Variants in KCNH3 observed in about 807,000 individuals in gnomAD.
KCNH3 encodes the protein potassium voltage-gated channel subfamily H member 3, also known as voltage-gated inwardly rectifying potassium channel KCNH3.
Under a neutral mutation model 95.6 loss-of-function variants are expected in KCNH3, and 36 were observed. That is an observed-to-expected ratio of 0.38 (90% confidence interval 0.29 to 0.50). The LOEUF is 0.50. Ranked by LOEUF, KCNH3 falls within the 20% of genes least tolerant of loss-of-function variation. The pLI is 0.95. For missense variants in KCNH3, 1,030 were observed against 1,484.1 expected (o/e 0.69, Z 5.03); for synonymous variants, 620 against 646.3 (o/e 0.96, Z 0.62).
chr12:49,550,395 A>T, intron 10 of KCNH3, 66 bp downstream of exon 10: 1 of 1,521,472 alleles, frequency 6.6e-7, no homozygotes, highest in Non-Finnish European at 8.8e-7. Context: ...TGATCTGTGG[A>T]AAACCTGGAG....
chr12:49,542,825 C>T lies in KCNH3; in HGVS notation c.565C>T (p.His189Tyr). 6.2e-7 allele frequency: 1 copy of T among 1,607,192 alleles called. No homozygotes were observed. Among genetic ancestry groups the T allele is most frequent in the Non-Finnish European group, 8.5e-7 (1 of 1,177,838 alleles). Residue 189 changes from histidine (H) to tyrosine (Y), a missense_variant, in exon 4 of 15, where the codon CAC becomes TAC. Coordinates refer to ENST00000257981, the MANE Select transcript of KCNH3 (RefSeq NM_012284.3). ...GHLQKQPKGK[H>Y]KLNKGVFGEK... ...CCTGCAGAAGCAGCCCAAGGGCAAG[C>T]ACAAGCTCAATAAGGTGGGCTCAGC...
In KCNH3 at chr12:49,550,296, G is replaced by A. The variant is rs770610572; in HGVS notation, c.1885G>A (p.Val629Met). ...LYFVCSGSMEVLKGGTVLAIL... is the reference protein window; with the variant it reads ...LYFVCSGSMEMLKGGTVLAIL... ...CTTTGTCTGCTCTGGCTCCATGGAG[G>A]TGCTCAAGGGTGGCACCGTGCTCGC... Residue 629 changes from valine (V) to methionine (M), a missense_variant, in exon 10 of 15, where the codon GTG becomes ATG. This residue lies in a region of KCNH3 where 160 missense variants were observed against 316.2 expected (regional missense o/e 0.51). Coordinates refer to ENST00000257981, the MANE Select transcript of KCNH3 (RefSeq NM_012284.3). The A allele has an allele frequency of 6.2e-7, 1 of 1,608,444 alleles. No individual in the cohort carries two copies. Among genetic ancestry groups the A allele is most frequent in the South Asian group, 1.1e-5 (1 of 91,036 alleles).
intron 4 of KCNH3, 103 bp downstream of exon 4, chr12:49,542,942 A>T: frequency 7.1e-7 from 1 of 1,412,722 alleles, no homozygotes; most frequent in Non-Finnish European, 9.5e-7. Flanking sequence ...GGGGCCACCC[A>T]GGCCTTGCCA....
rs1938187662 is a variant in KCNH3, at chr12:49,549,557, C to T, written c.1585C>T (p.Arg529Cys). The stretch of plus-strand genomic sequence containing the variant: ...CCTGCGCGACTACATCCGCATCCAC[C>T]GTATCCCCAAGCCCCTCAAGCAGCG... ...RDLRDYIRIH[R>C]IPKPLKQRML... Residue 529 changes from arginine (R) to cysteine (C), a missense_variant, in exon 9 of 15, where the codon CGT (arginine) becomes TGT (cysteine). By Grantham distance (180) the Arg-to-Cys change is radical. Coordinates refer to ENST00000257981, the MANE Select transcript of KCNH3 (RefSeq NM_012284.3). 6.2e-7 allele frequency: 1 copy of T among 1,613,562 alleles called. No individual in the cohort carries two copies. Among genetic ancestry groups the T allele is most frequent in the Non-Finnish European group, 8.5e-7 (1 of 1,180,046 alleles).
chr12:49,557,172 A>G lies in KCNH3; in HGVS notation c.2576-11A>G. On this transcript the variant is annotated splice_polypyrimidine_tract_variant and intron_variant, in intron 13 of 14. Coordinates refer to ENST00000257981, the MANE Select transcript of KCNH3 (RefSeq NM_012284.3). ...CAGCCCCAGCTGATAACCCCATCCT[A>G]CTACCCACAGAGAGCGGCCTGCTCA... The G allele has an allele frequency of 6.2e-7, 1 of 1,613,744 alleles. No individual in the cohort carries two copies. The highest frequency in any genetic ancestry group is 8.5e-7 in the Non-Finnish European group (1 of 1,179,882).
chr12:49,549,225 C>A (rs753148885), intron 8 of KCNH3, 52 bp downstream of exon 8: 2 of 1,530,772 alleles, frequency 1.3e-6, no homozygotes, highest in South Asian at 2.5e-5. Flanking sequence ...CTTCTGCCCG[C>A]AGGCGGCGCC....
At chr12:49,549,349 T>C in intron 8 of KCNH3, 92 bp from the exon 9 acceptor site, 4 of 1,522,694 alleles carry the variant, frequency 2.6e-6, no homozygotes, top group East Asian at 2.3e-5. Context: ...AGGCCTTGCC[T>C]AGGAGCGTGC....
Position 49,557,826 on chromosome 12 carries a change from G to A in KCNH3, c.3125G>A (p.Gly1042Glu), listed in dbSNP as rs1432101005. ...PVSQAEATST[G>E]EPPPGSGGLA... Reference sequence around the variant, plus strand: ...AGCCAGGCTGAGGCTACCAGCACTGGAGAGCCCCCACCAGGGTCAGGGGGC... The same window carrying A: ...AGCCAGGCTGAGGCTACCAGCACTGAAGAGCCCCCACCAGGGTCAGGGGGC... Residue 1042 changes from glycine (G) to glutamate (E), a missense_variant, in exon 15 of 15, where the codon GGA becomes GAA. By Grantham distance (98) the Gly-to-Glu change is moderately conservative (BLOSUM62 -2). Around this residue, in one of 9 missense-constraint regions of KCNH3, gnomAD observed 464 missense variants for 493.2 expected, o/e 0.94. Transcript: ENST00000257981. The A allele has an allele frequency of 1.2e-6, 2 of 1,601,706 alleles. No individual in the cohort carries two copies. Among genetic ancestry groups the A allele is most frequent in the East Asian group, 2.2e-5 (1 of 44,536 alleles).
chr12:49,546,447 T>TG (rs909791299), intron 7 of KCNH3, among the ~76,000 whole-genome samples: 5 of 147,832 alleles, frequency 3.4e-5, no homozygotes, highest in South Asian at 2.2e-4. Flanking sequence ...GAGGCTGAGG[T>TG]GGGGGGGTGG....
At chr12:49,541,817 G>A (rs1343718946) in intron 3 of KCNH3, 53 bp downstream of exon 3, 19 of 1,597,258 alleles carry the variant, frequency 1.2e-5, no homozygotes, top group South Asian at 3.4e-5. Context: ...AGGCCCGGGC[G>A]GGGCCTTGGC....
chr12:49,546,260 G>A (rs1938057688), intron 7 of KCNH3: 1 of 152,224 alleles, frequency 6.6e-6, no homozygotes. Flanking sequence ...TGACCCCTGA[G>A]TTCCAGGGTG....
At chr12:49,541,274 C>G in intron 2 of KCNH3, 142 bp downstream of exon 2, 1 of 708,642 alleles carries the variant, frequency 1.4e-6, no homozygotes, top group Non-Finnish European at 2.4e-6. Context: ...CCCCATCCAA[C>G]CCCTCTTGCT....
At chr12:49,554,601 G>A in intron 11 of KCNH3, 47 bp downstream of exon 11, 2 of 1,528,406 alleles carry the variant, frequency 1.3e-6, no homozygotes, top group East Asian at 2.3e-5. Context: ...GTGCCAGGGA[G>A]CCTGGTGAAG....
rs745324143 is a variant in KCNH3, at chr12:49,557,258, C to T, written c.2651C>T (p.Ala884Val). ...NTDTLDKLRQ[A>V]VTELSEQVLQ... The stretch of plus-strand genomic sequence containing the variant: ...GACACACTGGACAAGCTTCGGCAGG[C>T]GGTGGGTGAGGGGGAAGGTGGAGGT... Residue 884 changes from alanine to valine, a missense_variant and splice_region_variant, in exon 14 of 15, where the codon GCG (alanine) becomes GTG (valine). Physicochemically the swap from Ala to Val is moderately conservative, Grantham distance 64. Transcript: ENST00000257981. 9.3e-6 allele frequency: 15 copies of T among 1,613,676 alleles called. No homozygotes were observed. Among genetic ancestry groups the T allele is most frequent in the Middle Eastern group, 1.6e-4 (1 of 6,084 alleles).
intron 12 of KCNH3, 72 bp from the exon 13 acceptor site, chr12:49,556,298 G>A (rs1329877831): frequency 1.8e-6 from 2 of 1,114,712 alleles, no homozygotes; most frequent in African/African-American, 3.1e-5. Flanking sequence ...GGACGCTGGG[G>A]CATCCCGTCC....
chr12:49,539,836 G>C lies in KCNH3; in HGVS notation c.76+344G>C, dbSNP rs1787814329. Among the ~76,000 whole-genome samples, 1 of 152,196 alleles carries C rather than the reference G, an allele frequency of 6.6e-6. No homozygotes were observed. The highest frequency in any genetic ancestry group is 2.4e-5 in the African/African-American group (1 of 41,444). On this transcript the variant is annotated intron_variant, in intron 1 of 14. Transcript: ENST00000257981. This position sits in a 1 kb window ranked among gnomAD's most constrained non-coding sequence, Gnocchi z 6.7. ...CTGTCGCAGCAACTACCCTCGGACT[G>C]GTGGGGTAAGGCGAGGCGGGTGAAC...
chr12:49,542,442 C>A (rs1029882776), intron 3 of KCNH3, among the ~76,000 whole-genome samples: 9 of 152,230 alleles, frequency 5.9e-5, no homozygotes, highest in Admixed American at 5.9e-4. Context: ...GGCCTTTCCC[C>A]GTAGAGATCC....
Position 49,541,014 on chromosome 12 carries a change from C to T in KCNH3, c.192C>T (p.Gly64=). The part of the protein sequence containing the change: ...GFSRAEVMQR[G]CACSFLYGPD... ...CCCGGGCTGAGGTCATGCAGCGGGG[C>T]TGTGCCTGCTCCTTCCTTTATGGGC... Residue 64 remains glycine (G), a synonymous_variant, in exon 2 of 15, where the codon GGC becomes GGT. Transcript: ENST00000257981. 6.2e-7 allele frequency: 1 copy of T among 1,614,074 alleles called. No individual in the cohort carries two copies. Among genetic ancestry groups the T allele is most frequent in the Non-Finnish European group, 8.5e-7 (1 of 1,180,034 alleles).
rs151125591 is a variant in KCNH3, at chr12:49,540,014, C to A, written c.76+522C>A. ...CCCTAGACTTGGGGAGGCCATCTAG[C>A]CCCAAGAAGATGGTTTGGGGACTCC... is the stretch of plus-strand genomic sequence containing the variant. On this transcript the variant is annotated intron_variant, in intron 1 of 14. Transcript: ENST00000257981. Among the ~76,000 whole-genome samples, 98 of 152,320 alleles carry A rather than the reference C, an allele frequency of 6.4e-4. 1 individual carries two copies. Among genetic ancestry groups the A allele is most frequent in the East Asian group, 5.2e-3 (27 of 5,186 alleles).
Sources: allele counts gnomAD v4.1 joint callset (sites outside exome capture counted in the v4.1 genomes callset), GRCh38; gene constraint gnomAD v4.1.1; regional missense constraint gnomAD v4.1.1; non-coding constraint Gnocchi (gnomAD v3.1); transcripts MANE v1.5; gene names NCBI Gene and HGNC (gene_info 2026-07-23, HGNC 2026-07-21).